CDCA8: variants seen among roughly 807,000 people sequenced by gnomAD.
CDCA8 encodes the protein cell division cycle associated 8, also known as borealin.
CDCA8 carries 25 observed loss-of-function variants against 40.0 expected under a neutral mutation model. That is an observed-to-expected ratio of 0.63 (90% CI 0.46 to 0.87). The LOEUF is 0.87. CDCA8 is among the 40% of genes least tolerant of loss of function. The pLI is 0.00. For missense variants in CDCA8, 280 were observed against 348.4 expected (o/e 0.80, Z 1.56); for synonymous variants, 111 against 126.5 (o/e 0.88, Z 0.82).
intron 4 of CDCA8, 151 bp downstream of exon 4, chr1:37,699,128 TGC>T: frequency 1.7e-6 from 1 of 583,662 alleles, no homozygotes; most frequent in Non-Finnish European, 3.1e-6. Context: ...TTTTGGATGG[TGC>T]ATTTAGTTAA....
Position 37,706,983 on chromosome 1 carries a change from G to A in CDCA8, c.717G>A (p.Leu239=). The stretch of plus-strand genomic sequence containing the variant: ...CCACTCCCCTTTCTATTCAGAGCCT[G>A]CGATTATTGGCCAGTGACTTGCAGA... ...LTVPVGGGES[L]RLLASDLQRH... is the part of the protein sequence containing the mutation. The change falls in exon 9 of 10, where the codon CTG becomes CTA. Residue 239 remains leucine (L), a synonymous_variant. Transcript: ENST00000373055. 6.2e-7 allele frequency: 1 copy of A among 1,614,114 alleles called. No individual in the cohort carries two copies. Among genetic ancestry groups the A allele is most frequent in the Non-Finnish European group, 8.5e-7 (1 of 1,179,928 alleles).
intron 6 of CDCA8, among the ~76,000 whole-genome samples, chr1:37,702,201 G>A (rs771611475): frequency 2.6e-5 from 4 of 151,634 alleles, no homozygotes; most frequent in Admixed American, 6.6e-5. Context: ...CCACCATGCC[G>A]GCTAATTTTG....
Position 37,706,963 on chromosome 1 carries a change from C to A in CDCA8, c.712-15C>A, listed in dbSNP as rs764277137. On this transcript the variant is annotated splice_polypyrimidine_tract_variant and intron_variant, in intron 8 of 9. Coordinates refer to ENST00000373055, the MANE Select transcript of CDCA8 (RefSeq NM_001256875.2). ...AGGGCCATGGCCAGTTTAACCCACT[C>A]CCCTTTCTATTCAGAGCCTGCGATT... 2 of 1,610,906 alleles carry A rather than the reference C, an allele frequency of 1.2e-6. No homozygotes were observed. The highest frequency in any genetic ancestry group is 2.2e-5 in the South Asian group (2 of 91,030).
chr1:37,704,222 A>G (rs1195524860), intron 7 of CDCA8, among the ~76,000 whole-genome samples: 1 of 152,162 alleles, frequency 6.6e-6, no homozygotes, highest in African/African-American at 2.4e-5. Context: ...AGCATGAGCC[A>G]TCACACCCGG....
chr1:37,706,933 C>A, intron 8 of CDCA8, 45 bp from the exon 9 acceptor site: 2 of 1,520,418 alleles, frequency 1.3e-6, no homozygotes, highest in South Asian at 1.1e-5. Context: ...GGGGTTCCGG[C>A]CCTAAGGGCC....
chr1:37,702,087 C>T (rs557396294), intron 6 of CDCA8, among the ~76,000 whole-genome samples: 6 of 139,688 alleles, frequency 4.3e-5, no homozygotes, highest in African/African-American at 1.6e-4. Flanking sequence ...GTTGGCCAGG[C>T]TGGAGTGCAA....
chr1:37,707,355 T>G (rs768893325), intron 9 of CDCA8, among the ~76,000 whole-genome samples: 5 of 152,234 alleles, frequency 3.3e-5, no homozygotes, highest in Non-Finnish European at 7.3e-5. Context: ...AGGTCACTAT[T>G]GGCCACCAGA....
At chr1:37,693,339 G>C (rs1359306798) in intron 2 of CDCA8, among the ~76,000 whole-genome samples, 2 of 152,296 alleles carry the variant, frequency 1.3e-5, no homozygotes, top group East Asian at 3.9e-4. Flanking sequence ...TAAAATTTTA[G>C]TTATGGATAC....
intron 3 of CDCA8, among the ~76,000 whole-genome samples, chr1:37,697,320 T>C (rs1049593757): frequency 7.9e-5 from 12 of 152,056 alleles, no homozygotes; most frequent in East Asian, 1.9e-4. Context: ...AAGGAGAAAA[T>C]TGCATAGGAC....
chr1:37,697,631 C>A (rs1254776338), intron 3 of CDCA8, among the ~76,000 whole-genome samples: 1 of 152,238 alleles, frequency 6.6e-6, no homozygotes, highest in Non-Finnish European at 1.5e-5. Flanking sequence ...TTCCCAGATG[C>A]CAACCGAGGC....
In CDCA8 at chr1:37,692,801, T is replaced by C. The variant is rs1395203150; in HGVS notation, c.94+17T>C. 1.9e-6 allele frequency: 3 copies of C among 1,612,744 alleles called. No homozygotes were observed. Among genetic ancestry groups the C allele is most frequent in the Admixed American group, 1.7e-5 (1 of 60,016 alleles). On this transcript the variant is annotated intron_variant, in intron 1 of 9. Coordinates refer to ENST00000373055, the MANE Select transcript of CDCA8 (RefSeq NM_001256875.2). Reference sequence around the variant, plus strand: ...ACCGTGAAGGTAAGGGGCCAGGCCGTCGCGGCCTCCTGGGGCGGTCGCGGG... The same window carrying C: ...ACCGTGAAGGTAAGGGGCCAGGCCGCCGCGGCCTCCTGGGGCGGTCGCGGG...
chr1:37,701,948 C>T, intron 6 of CDCA8, 130 bp downstream of exon 6: 2 of 664,184 alleles, frequency 3.0e-6, no homozygotes, highest in South Asian at 4.0e-5. Context: ...TCACTGAATC[C>T]TTGAGTATCC....
rs577497 is a variant in CDCA8 at position 37,705,507 on chromosome 1, T to C, written c.651T>C (p.Asn217=). ...AGCGGATTTACAACATCTCAGGGAA[T>C]GGCAGCCCTCTTGCTGACAGCAAAG... is the stretch of plus-strand genomic sequence containing the variant. The part of the protein sequence containing the change: ...AGERIYNISG[N]GSPLADSKEI... Residue 217 remains asparagine, a synonymous_variant, in exon 8 of 10, where the codon AAT becomes AAC. Coordinates refer to ENST00000373055, the MANE Select transcript of CDCA8 (RefSeq NM_001256875.2). 1.9e-5 allele frequency: 30 copies of C among 1,613,974 alleles called. No individual in the cohort carries two copies. The African/African-American group carries it at 2.9e-4, about 16-fold the overall frequency.
At chr1:37,705,810 G>GTTTT (rs35363414) in intron 8 of CDCA8, among the ~76,000 whole-genome samples, 4 of 129,116 alleles carry the variant, frequency 3.1e-5, no homozygotes, top group African/African-American at 9.0e-5. Flanking sequence ...TTTTTTGTGG[G>GTTTT]TTTTTTTTTT....
intron 5 of CDCA8, 81 bp from the exon 6 acceptor site, chr1:37,701,673 T>TAAAA (rs71701232): frequency 1.9e-4 from 121 of 648,720 alleles, no homozygotes; most frequent in East Asian, 7.0e-4. Flanking sequence ...CTTAATGCTT[T>TAAAA]AAAAAAAAAA....
At chr1:37,706,022 G>A (rs1271259883) in intron 8 of CDCA8, among the ~76,000 whole-genome samples, 2 of 151,018 alleles carry the variant, frequency 1.3e-5, no homozygotes, top group Middle Eastern at 3.3e-3. Context: ...CGTTGGCCAG[G>A]ATGGTCTCGA....
intron 5 of CDCA8, among the ~76,000 whole-genome samples, chr1:37,701,205 T>C (rs1557517419): frequency 6.6e-6 from 1 of 152,014 alleles, no homozygotes; most frequent in Non-Finnish European, 1.5e-5. Context: ...GTGGAGATGG[T>C]TGTGCAGGGA....
chr1:37,692,979 G>A lies in CDCA8; in HGVS notation c.169G>A (p.Glu57Lys). The change falls in exon 2 of 10, where the codon GAG (glutamate) becomes AAG (lysine). Residue 57 changes from glutamate (E) to lysine (K), a missense_variant. By Grantham distance (56) the Glu-to-Lys change is moderately conservative. Coordinates refer to ENST00000373055, the MANE Select transcript of CDCA8 (RefSeq NM_001256875.2). The part of the protein sequence containing the change: ...LKEVDNLYNI[E>K]ILRLPKALRE... ...GGAGGTGGATAACCTCTACAACATC[G>A]AGATCCTGCGGCTCCCCAAGGCTCT... 1 of 1,614,012 alleles carries A rather than the reference G, an allele frequency of 6.2e-7. No homozygotes were observed. Among genetic ancestry groups the A allele is most frequent in the East Asian group, 2.2e-5 (1 of 44,878 alleles).
rs1645577646 is a variant in CDCA8 at position 37,703,336 on chromosome 1, G to C, written c.573G>C (p.Arg191Ser). 1.9e-6 allele frequency: 3 copies of C among 1,612,660 alleles called. No homozygotes were observed. The highest frequency in any genetic ancestry group is 2.5e-6 in the Non-Finnish European group (3 of 1,178,642). Reference protein sequence around the residue: ...MVKPTPGLTPRFDSRVFKTPG... With the variant: ...MVKPTPGLTPSFDSRVFKTPG... ...AACCAACTCCAGGCCTGACACCCAG[G>C]TTTGACTCAAGGTGAGTATCGAGGG... Residue 191 changes from arginine to serine, a missense_variant, in exon 7 of 10, where the codon AGG becomes AGC. Arg to Ser is a moderately radical substitution (Grantham distance 110). Coordinates refer to ENST00000373055, the MANE Select transcript of CDCA8 (RefSeq NM_001256875.2).
Sources: allele counts gnomAD v4.1 joint callset (sites outside exome capture counted in the v4.1 genomes callset), GRCh38; gene constraint gnomAD v4.1.1; transcripts MANE v1.5; gene names NCBI Gene and HGNC (gene_info 2026-07-23, HGNC 2026-07-21).